Variants in SALL2 observed in about 807,000 individuals in gnomAD.
SALL2 encodes sal-like protein 2.
In SALL2, 32 loss-of-function variants were observed where a neutral mutation model predicts 58.5. The observed-to-expected ratio is 0.55, with a 90% CI of 0.41 to 0.74. The LOEUF is 0.74. Among genes scored for constraint, SALL2 ranks in the 30% least tolerant of loss-of-function variants. SALL2 has a pLI of 0.00. For missense variants in SALL2, 1,201 were observed against 1,268.9 expected (o/e 0.95, Z 0.81); for synonymous variants, 516 against 513.6 (o/e 1.00, Z -0.06).
intron 1 of SALL2, among the ~76,000 whole-genome samples, chr14:21,536,059 T>G (rs1030824549): frequency 2.6e-5 from 4 of 152,232 alleles, no homozygotes; most frequent in African/African-American, 4.8e-5. Context: ...TTCAATTCCC[T>G]GCTTGCTCTA....
At position 21,525,260 on chromosome 14, in the gene SALL2, C is replaced by T. The variant is rs1892243691; in HGVS notation, c.462G>A (p.Ser154=). The T allele has an allele frequency of 1.9e-6, 3 of 1,611,426 alleles. No homozygotes were observed. The highest frequency in any genetic ancestry group is 2.5e-6 in the Non-Finnish European group (3 of 1,178,684). ...GTGGAGGAGGAGGGGGTGCAGGGGTCGATTCTGGAGGTAATGGGGTTGCTC... is the reference window on the plus strand; with the variant it reads ...GTGGAGGAGGAGGGGGTGCAGGGGTTGATTCTGGAGGTAATGGGGTTGCTC... ...KLGATPLPPE[S]TPAPPPPPPP... Residue 154 remains serine, a synonymous_variant, in exon 2 of 2, where the codon TCG becomes TCA. Transcript: ENST00000537235. This position sits in a 1 kb window ranked among gnomAD's most constrained non-coding sequence, Gnocchi z 4.4.
chr14:21,524,297 C>T lies in SALL2; in HGVS notation c.1425G>A (p.Leu475=), dbSNP rs1467996658. 6.2e-7 allele frequency: 1 copy of T among 1,613,878 alleles called. No individual in the cohort carries two copies. Among genetic ancestry groups the T allele is most frequent in the Admixed American group, 1.7e-5 (1 of 60,008 alleles). Residue 475 remains leucine, a synonymous_variant, in exon 2 of 2, where the codon CTG becomes CTA. Transcript: ENST00000537235. ...TPGGGVERKP[L]VASTTALSAT... ...CACTGAGTGCTGTTGTGGAGGCCAC[C>T]AGAGGCTTGCGCTCAACCCCTCCAC...
chr14:21,524,845 T>A lies in SALL2; in HGVS notation c.877A>T (p.Ser293Cys). 6.2e-7 allele frequency: 1 copy of A among 1,613,200 alleles called. No homozygotes were observed. Among genetic ancestry groups the A allele is most frequent in the Non-Finnish European group, 8.5e-7 (1 of 1,179,520 alleles). Residue 293 changes from serine (S) to cysteine (C), a missense_variant, in exon 2 of 2, where the codon AGC becomes TGC. This residue lies in a region of SALL2 where 467 missense variants were observed against 468.9 expected (regional missense o/e 1.00). Coordinates refer to ENST00000537235, the MANE Select transcript of SALL2 (RefSeq NM_001364564.1). ...GAAGGGGCAGGGGTGGGTTTGTGGC[T>A]TCGCCCAACCCCTCCAGCAGAGAAA... ...HPFSAGGVGR[S>C]HKPTPAPSPA...
At chr14:21,526,481 G>A (rs1892319875), upstream of SALL2, 16 of 1,264,744 alleles carry the variant, frequency 1.3e-5, no homozygotes, top group Non-Finnish European at 1.6e-5. Flanking sequence ...AGTTTCCGGA[G>A]GCGCAGTGAC....
At position 21,522,342 on chromosome 14, in the gene SALL2, G is replaced by T. The variant is rs1892070701; in HGVS notation, c.*362C>A. ...CAGAGACAGCTGCCAGCCCTTTTTGGCTAGGCTGCAATGCCAAATGTAGGT... is the reference window on the plus strand; with the variant it reads ...CAGAGACAGCTGCCAGCCCTTTTTGTCTAGGCTGCAATGCCAAATGTAGGT... On this transcript the variant is annotated 3_prime_UTR_variant, in exon 2 of 2. Coordinates refer to ENST00000537235, the MANE Select transcript of SALL2 (RefSeq NM_001364564.1). 3 of 1,456,620 alleles carry T rather than the reference G, an allele frequency of 2.1e-6. No homozygotes were observed. The Admixed American group carries it at 7.2e-5, about 35-fold the overall frequency. The allele number at this position is 1,456,620 out of a possible 1,614,324, so 90.2% of individuals were successfully genotyped here.
chr14:21,524,540 C>A lies in SALL2; in HGVS notation c.1182G>T (p.Thr394=). ...SALQIHLRSH[T]GERPYKCNVC... ...CATTGCACTTATAGGGCCTCTCACC[C>A]GTGTGGGAACGAAGGTGGATCTGCA... is the stretch of plus-strand genomic sequence containing the variant. Residue 394 remains threonine (T), a synonymous_variant, in exon 2 of 2, where the codon ACG becomes ACT. Transcript: ENST00000537235. The A allele has an allele frequency of 6.2e-7, 1 of 1,614,264 alleles. No individual in the cohort carries two copies. The highest frequency in any genetic ancestry group is 1.3e-5 in the African/African-American group (1 of 75,068).
intron 1 of SALL2, among the ~76,000 whole-genome samples, chr14:21,533,588 G>A (rs1244323494): frequency 8.2e-6 from 1 of 122,668 alleles, no homozygotes; most frequent in Non-Finnish European, 1.6e-5. Flanking sequence ...ACTCTGTAGG[G>A]GAGAGAGAAG....
chr14:21,528,905 G>A (rs573177896), upstream of SALL2, among the ~76,000 whole-genome samples: 1 of 152,180 alleles, frequency 6.6e-6, no homozygotes, highest in Non-Finnish European at 1.5e-5. Context: ...TTGAACATTT[G>A]ATATCCAGTT....
rs1179754814 is a variant in SALL2 at position 21,522,628 on chromosome 14, C to T, written c.*76G>A. On this transcript the variant is annotated 3_prime_UTR_variant, in exon 2 of 2. Coordinates refer to ENST00000537235, the MANE Select transcript of SALL2 (RefSeq NM_001364564.1). ...TAGAGAAAAAGACAAAATCAGGGCTCATAACTCTGGGAGGTCCTTTTGTGA... is the reference window on the plus strand; with the variant it reads ...TAGAGAAAAAGACAAAATCAGGGCTTATAACTCTGGGAGGTCCTTTTGTGA... The T allele has an allele frequency of 1.3e-6, 2 of 1,489,960 alleles. No individual in the cohort carries two copies. Among genetic ancestry groups the T allele is most frequent in the African/African-American group, 2.8e-5 (2 of 71,264 alleles). The allele number at this position is 1,489,960 out of a possible 1,614,324, so 92.3% of individuals were successfully genotyped here.
At chr14:21,532,454 G>A (rs531971964) in intron 1 of SALL2, among the ~76,000 whole-genome samples, 14 of 150,470 alleles carry the variant, frequency 9.3e-5, no homozygotes, top group Admixed American at 5.3e-4. Context: ...TGGTTAAAAT[G>A]GTAAATTTTA....
At chr14:21,528,541 C>G (rs182296436), upstream of SALL2, among the ~76,000 whole-genome samples, 40 of 152,200 alleles carry the variant, frequency 2.6e-4, no homozygotes, top group Admixed American at 3.9e-4. Flanking sequence ...AGTCATAATT[C>G]TGAAATGGAC....
At chr14:21,526,003 GC>G in intron 1 of SALL2, 57 bp downstream of exon 1, 1 of 1,383,006 alleles carries the variant, frequency 7.2e-7, no homozygotes, top group Middle Eastern at 1.8e-4. Flanking sequence ...AGTCTTCGCC[GC>G]CCCTGCGCAT....
In SALL2 at chr14:21,524,634, G is replaced by A. The variant is rs756058987; in HGVS notation, c.1088C>T (p.Pro363Leu). 2 of 1,614,164 alleles carry A rather than the reference G, an allele frequency of 1.2e-6. No homozygotes were observed. Among genetic ancestry groups the A allele is most frequent in the Non-Finnish European group, 1.7e-6 (2 of 1,180,034 alleles). The change falls in exon 2 of 2, where the codon CCC becomes CTC. Residue 363 changes from proline (P) to leucine (L), a missense_variant. Pro to Leu is a moderately conservative substitution (Grantham distance 98). Coordinates refer to ENST00000537235, the MANE Select transcript of SALL2 (RefSeq NM_001364564.1). ...GTGCCTTCCACCAGGCTTCTCCAAG[G>A]GACCCATCACTTCTCCGTAGCTCAG... ...GELSYGEVMG[P>L]LEKPGGRHKC... is the part of the protein sequence containing the mutation.
chr14:21,522,892 T>G lies in SALL2; in HGVS notation c.2830A>C (p.Arg944=). 1 of 1,612,252 alleles carries G rather than the reference T, an allele frequency of 6.2e-7. No homozygotes were observed. The highest frequency in any genetic ancestry group is 1.1e-5 in the South Asian group (1 of 90,904). ...GTAGCCCGCTCAAGAAAGCCCTGCC[T>G]GCAGAAAACACAAGTGAAGAGCGGC... is the stretch of plus-strand genomic sequence containing the variant. ...EGPLFTCVFC[R]QGFLERATLK... Residue 944 remains arginine (R), a synonymous_variant, in exon 2 of 2, where the codon AGG becomes CGG. Coordinates refer to ENST00000537235, the MANE Select transcript of SALL2 (RefSeq NM_001364564.1).
chr14:21,529,809 T>TA (rs1892411259), upstream of SALL2, among the ~76,000 whole-genome samples: 3 of 151,876 alleles, frequency 2.0e-5, no homozygotes, highest in South Asian at 2.1e-4. Context: ...CAACCAAACT[T>TA]AAAAAAAATC....
At position 21,523,625 on chromosome 14, in the gene SALL2, G is replaced by T. The variant is rs748638643; in HGVS notation, c.2097C>A (p.Thr699=). The T allele has an allele frequency of 9.3e-6, 15 of 1,614,244 alleles. No homozygotes were observed. The highest frequency in any genetic ancestry group is 1.0e-5 in the Non-Finnish European group (12 of 1,180,044). Residue 699 remains threonine, a synonymous_variant, in exon 2 of 2, where the codon ACC becomes ACA. Transcript: ENST00000537235. This position sits in a 1 kb window ranked among gnomAD's most constrained non-coding sequence, Gnocchi z 4.4. The part of the protein sequence containing the change: ...NSCPICQKKF[T]NAVTLQQHVR... ...CATGCTGCTGCAGAGTGACAGCATTGGTGAACTTCTTCTGGCAGATGGGGC... is the reference window on the plus strand; with the variant it reads ...CATGCTGCTGCAGAGTGACAGCATTTGTGAACTTCTTCTGGCAGATGGGGC...
At chr14:21,536,918 A>T in intron 1 of SALL2, 1 of 1,614,058 alleles carries the variant, frequency 6.2e-7, no homozygotes, top group Non-Finnish European at 8.5e-7. Context: ...TTTCGCCGAG[A>T]CATTCCCGGG....
chr14:21,535,379 A>G (rs1402548814), intron 1 of SALL2, among the ~76,000 whole-genome samples: 1 of 151,886 alleles, frequency 6.6e-6, no homozygotes, highest in African/African-American at 2.4e-5. Flanking sequence ...AAAGAAAAGA[A>G]AAGAAAAAAA....
chr14:21,522,934 T>A lies in SALL2; in HGVS notation c.2788A>T (p.Thr930Ser), dbSNP rs2139665153. ...AAGAGCGGCCCCTCCTTGGGGTGGG[T>A]CTTCTGATGCTCCTCCAGAGCTGCC... is the stretch of plus-strand genomic sequence containing the variant. ...SQAALEEHQK[T>S]HPKEGPLFTC... Residue 930 changes from threonine (T) to serine (S), a missense_variant, in exon 2 of 2, where the codon ACC (threonine) becomes TCC (serine). Around this residue, in one of 3 missense-constraint regions of SALL2, gnomAD observed 675 missense variants for 683.8 expected, o/e 0.99. Transcript: ENST00000537235. 1.9e-6 allele frequency: 3 copies of A among 1,613,870 alleles called. No homozygotes were observed. The highest frequency in any genetic ancestry group is 3.3e-4 in the Middle Eastern group (2 of 6,062).
Sources: gnomAD v4.1 joint callset for allele counts (sites outside exome capture counted in the v4.1 genomes callset) on GRCh38, gnomAD v4.1.1 for gene constraint, gnomAD v4.1.1 regional missense constraint, Gnocchi (gnomAD v3.1) non-coding constraint, MANE v1.5 for transcripts, NCBI Gene and HGNC (gene_info 2026-07-23, HGNC 2026-07-21) for gene names.